Variants in LDB2 observed in about 807,000 individuals in gnomAD.
The protein encoded by LDB2 is LIM domain-binding protein 2.
Under a neutral mutation model 44.3 loss-of-function variants are expected in LDB2, and 12 were observed. The ratio of observed to expected loss-of-function variants is 0.27; its 90% CI spans 0.17 to 0.44. LDB2 has a LOEUF of 0.44. Among genes scored for constraint, LDB2 ranks in the 20% least tolerant of loss-of-function variants. The pLI is 1.00. For missense variants in LDB2, 344 were observed against 473.5 expected, an observed-to-expected ratio of 0.73 and a Z score of 2.54; for synonymous variants, 164 against 174.8, an observed-to-expected ratio of 0.94 and a Z score of 0.49.
intron 5 of LDB2, among the ~76,000 whole-genome samples, chr4:16,580,142 G>A (rs1200917009): frequency 6.6e-6 from 1 of 152,194 alleles, no homozygotes; most frequent in East Asian, 1.9e-4. Flanking sequence ...ATGGAGGCAA[G>A]AGAGCATGAC....
At chr4:16,664,538 CTG>C (rs1742479344) in intron 2 of LDB2, among the ~76,000 whole-genome samples, 1 of 151,982 alleles carries the variant, frequency 6.6e-6, no homozygotes, top group Non-Finnish European at 1.5e-5. Context: ...TTGATCTGAA[CTG>C]TGAAAGGGTT....
chr4:16,898,297 G>C, intron 1 of LDB2, 57 bp downstream of exon 1: 1 of 1,546,282 alleles, frequency 6.5e-7, no homozygotes, highest in Non-Finnish European at 8.9e-7. Context: ...CCTAGGAAAA[G>C]CTCATGCATA....
intron 2 of LDB2, among the ~76,000 whole-genome samples, chr4:16,714,979 T>C (rs1385809777): frequency 1.3e-5 from 2 of 152,158 alleles, no homozygotes; most frequent in African/African-American, 4.8e-5. Context: ...ATACTATGGG[T>C]TAGGACTGGG....
chr4:16,705,203 TAGA>T (rs1253821193), intron 2 of LDB2, among the ~76,000 whole-genome samples: 1 of 152,174 alleles, frequency 6.6e-6, no homozygotes, highest in Non-Finnish European at 1.5e-5. Context: ...CTTCACTTCA[TAGA>T]AGAAGTGTGC....
At chr4:16,855,510 T>A (rs73245325) in intron 1 of LDB2, among the ~76,000 whole-genome samples, 2,669 of 152,268 alleles carry the variant, frequency 0.018, 35 homozygotes, top group Non-Finnish European at 0.026. Context: ...ACCATTTTAG[T>A]TGAAAAGCAA....
intron 1 of LDB2, among the ~76,000 whole-genome samples, chr4:16,799,607 C>T (rs2109727149): frequency 6.6e-6 from 1 of 152,288 alleles, no homozygotes; most frequent in Non-Finnish European, 1.5e-5. Flanking sequence ...TTTCTCCCCT[C>T]ACATGTATAG....
intron 5 of LDB2, among the ~76,000 whole-genome samples, chr4:16,585,334 C>T (rs932023787): frequency 8.6e-5 from 13 of 151,998 alleles, no homozygotes; most frequent in Admixed American, 5.9e-4. Context: ...TTAGGATGGG[C>T]GGGTGGGGAG....
intron 5 of LDB2, among the ~76,000 whole-genome samples, chr4:16,552,109 T>C (rs1737892070): frequency 6.6e-6 from 1 of 152,224 alleles, no homozygotes; most frequent in Admixed American, 6.5e-5. Context: ...GCCTTTATCC[T>C]TGTTGGTTTG....
intron 2 of LDB2, among the ~76,000 whole-genome samples, chr4:16,646,479 T>C (rs1054435236): frequency 2.0e-5 from 3 of 152,212 alleles, no homozygotes; most frequent in Admixed American, 2.0e-4. Flanking sequence ...ACTTTGAGCT[T>C]AGCTGTGTGA....
In LDB2 at chr4:16,595,856, G is replaced by T. The variant is rs149815960; in HGVS notation, c.255C>A (p.Ile85=). 2 of 1,612,988 alleles carry T rather than the reference G, an allele frequency of 1.2e-6. No homozygotes were observed. Among genetic ancestry groups the T allele is most frequent in the Non-Finnish European group, 1.7e-6 (2 of 1,179,532 alleles). Residue 85 remains isoleucine, a synonymous_variant, in exon 3 of 8, where the codon ATC becomes ATA. Coordinates refer to ENST00000304523, the MANE Select transcript of LDB2 (RefSeq NM_001290.5). ...CAAACACAGTGCTAAAGTAACGGGG[G>T]ATGAGGGTCCTGCCGATAGCTGGGA... ...PKRYTIGRTL[I]PRYFSTVFEG...
chr4:16,591,550 GAA>G (rs1718956403), intron 3 of LDB2, among the ~76,000 whole-genome samples: 2 of 152,306 alleles, frequency 1.3e-5, no homozygotes, highest in Admixed American at 6.5e-5. Flanking sequence ...TTATTTGAAT[GAA>G]AGGACAGAGG....
intron 2 of LDB2, among the ~76,000 whole-genome samples, chr4:16,709,353 C>T (rs1755367745): frequency 6.6e-6 from 1 of 152,098 alleles, no homozygotes; most frequent in Non-Finnish European, 1.5e-5. Context: ...ATGGGAAACT[C>T]CATCTTTTAT....
At chr4:16,749,356 G>A (rs1227198684) in intron 2 of LDB2, among the ~76,000 whole-genome samples, 3 of 151,576 alleles carry the variant, frequency 2.0e-5, no homozygotes, top group Admixed American at 6.6e-5. Flanking sequence ...TCAGGAGTTC[G>A]AGACCAGTCT....
intron 5 of LDB2, among the ~76,000 whole-genome samples, chr4:16,561,748 G>T (rs1742392941): frequency 6.6e-6 from 1 of 152,160 alleles, no homozygotes; most frequent in Non-Finnish European, 1.5e-5. Context: ...CCAAAAAAGA[G>T]CCCGCATCGC....
chr4:16,572,287 C>T (rs578240524), intron 5 of LDB2, among the ~76,000 whole-genome samples: 1 of 152,248 alleles, frequency 6.6e-6, no homozygotes, highest in South Asian at 2.1e-4. Context: ...CTGGGAGCAA[C>T]AGATCTGAGC....
At chr4:16,779,335 A>G (rs1199550403) in intron 1 of LDB2, among the ~76,000 whole-genome samples, 1 of 152,224 alleles carries the variant, frequency 6.6e-6, no homozygotes, top group East Asian at 1.9e-4. Flanking sequence ...GCAAAATGTC[A>G]TCTAAAACCT....
rs1032923 is a variant in LDB2 at position 16,748,019 on chromosome 4, G to T, written c.235+11139C>A. On this transcript the variant is annotated intron_variant, in intron 2 of 7. Coordinates refer to ENST00000304523, the MANE Select transcript of LDB2 (RefSeq NM_001290.5). Reference sequence around the variant, plus strand: ...AAGTCAGACATAATGTATTTTTTAAGGAAAGTTTGTAAAAATAATGTAATA... The same window carrying T: ...AAGTCAGACATAATGTATTTTTTAATGAAAGTTTGTAAAAATAATGTAATA... 3.2e-3 allele frequency among the ~76,000 whole-genome samples: 487 copies of T among 152,060 alleles called. 2 individuals are homozygous for T. Among genetic ancestry groups the T allele is most frequent in the African/African-American group, 0.011 (447 of 41,552 alleles).
At chr4:16,755,472 GGTGT>G (rs58186199) in intron 2 of LDB2, among the ~76,000 whole-genome samples, 5,787 of 118,238 alleles carry the variant, frequency 0.049, 112 homozygotes, top group Non-Finnish European at 0.054. Flanking sequence ...GTAGGAATAG[GGTGT>G]GTGTGTGTGT....
intron 1 of LDB2, among the ~76,000 whole-genome samples, chr4:16,789,708 T>C (rs1368727763): frequency 1.3e-5 from 2 of 152,128 alleles, no homozygotes; most frequent in African/African-American, 2.4e-5. Context: ...GGCGAGCAGA[T>C]CACTTAAGGT....
Sources: allele counts gnomAD v4.1 joint callset (sites outside exome capture counted in the v4.1 genomes callset), GRCh38; gene constraint gnomAD v4.1.1; transcripts MANE v1.5; gene names NCBI Gene and HGNC (gene_info 2026-07-23, HGNC 2026-07-21).